The following RBFOX1 variants were observed in gnomAD, a reference collection of about 807,000 sequenced individuals.
The protein encoded by RBFOX1 is RNA binding protein fox-1 homolog 1.
Under a neutral mutation model 57.7 loss-of-function variants are expected in RBFOX1, and 8 were observed. The ratio of observed to expected loss-of-function variants is 0.14; its 90% confidence interval spans 0.08 to 0.25. The LOEUF is 0.25. Ranked by LOEUF, RBFOX1 falls within the 10% of genes least tolerant of loss-of-function variation. The pLI is 1.00. For missense variants in RBFOX1, 611 were observed against 548.5 expected (o/e 1.11, Z -1.14); for synonymous variants, 326 against 222.4 (o/e 1.47, Z -4.15).
At chr16:6,966,987 A>G (rs1279328012) in intron 3 of RBFOX1, among the ~76,000 whole-genome samples, 1 of 151,862 alleles carries the variant, frequency 6.6e-6, no homozygotes, top group African/African-American at 2.4e-5. Flanking sequence ...TCCATCATCT[A>G]CTTATACATC....
At chr16:6,761,737 C>G (rs2076635750) in intron 3 of RBFOX1, among the ~76,000 whole-genome samples, 1 of 151,646 alleles carries the variant, frequency 6.6e-6, no homozygotes, top group South Asian at 2.1e-4. Flanking sequence ...GAATTCCTGA[C>G]CTTGTGATCC....
chr16:5,334,186 A>G lies in RBFOX1; in HGVS notation c.219+94081A>G, dbSNP rs188962031. Among the ~76,000 whole-genome samples the G allele has an allele frequency of 9.5e-4, 144 of 152,052 alleles. 1 individual carries two copies. The highest frequency in any genetic ancestry group is 3.3e-3 in the African/African-American group (136 of 41,458). ...GTTGGAATGTGTCTGGTCAGAGGGG[A>G]GGATATCTTGGGGCTGACATCTCTC... On this transcript the variant is annotated intron_variant, in intron 1 of 2. Coordinates refer to the RBFOX1 transcript ENST00000585867.
intron 2 of RBFOX1, among the ~76,000 whole-genome samples, chr16:6,638,431 C>T (rs2098461742): frequency 6.6e-6 from 1 of 152,072 alleles, no homozygotes; most frequent in Admixed American, 6.6e-5. Flanking sequence ...TTTTAAAATT[C>T]ATCCTTAGAG....
At chr16:6,044,389 T>G (rs922584518) in intron 1 of RBFOX1, among the ~76,000 whole-genome samples, 2 of 152,078 alleles carry the variant, frequency 1.3e-5, no homozygotes, top group African/African-American at 4.8e-5. Flanking sequence ...TTCCTCCTGG[T>G]GTCTGTTACA....
chr16:6,098,306 C>G (rs1317886096), intron 1 of RBFOX1, among the ~76,000 whole-genome samples: 1 of 152,146 alleles, frequency 6.6e-6, no homozygotes, highest in Non-Finnish European at 1.5e-5. Flanking sequence ...TGCATGGACC[C>G]AGAATAGAAA....
At chr16:5,257,619 C>T (rs558981220) in intron 1 of RBFOX1, among the ~76,000 whole-genome samples, 1 of 152,288 alleles carries the variant, frequency 6.6e-6, no homozygotes, top group South Asian at 2.1e-4. Flanking sequence ...CTTCTGGAGG[C>T]GCATTTACTA....
intron 1 of RBFOX1, among the ~76,000 whole-genome samples, chr16:5,373,508 C>T (rs1477794943): frequency 6.6e-6 from 1 of 152,118 alleles, no homozygotes; most frequent in African/African-American, 2.4e-5. Context: ...CGCACCTGTT[C>T]CCTCTTTGCC....
chr16:5,663,480 A>C (rs74004464), intron 3 of RBFOX1, among the ~76,000 whole-genome samples: 6,368 of 152,086 alleles, frequency 0.042, 442 homozygotes, highest in African/African-American at 0.14. Context: ...GCTGGTATTA[A>C]ATGCATGAGC....
chr16:5,849,916 C>A (rs767201501), intron 3 of RBFOX1, among the ~76,000 whole-genome samples: 1 of 152,208 alleles, frequency 6.6e-6, no homozygotes, highest in Non-Finnish European at 1.5e-5. Context: ...GCTCCCTGCT[C>A]CTAACTCAAA....
chr16:6,336,181 ATTTTTTTTTTTTTTTT>A (rs1156246510), intron 2 of RBFOX1, among the ~76,000 whole-genome samples: 39 of 26,968 alleles, frequency 1.4e-3, no homozygotes, highest in East Asian at 5.7e-3. Context: ...ATATATATAT[ATTTTTTTTTTTTTTTT>A]TTTTTTTTTT....
chr16:6,813,070 A>G (rs1053366305), intron 3 of RBFOX1, among the ~76,000 whole-genome samples: 7 of 152,066 alleles, frequency 4.6e-5, no homozygotes, highest in Non-Finnish European at 1.0e-4. Context: ...GCTGATGTAT[A>G]TGAAGAAAAC....
At chr16:7,620,422 T>C (rs2059131951) in intron 10 of RBFOX1, among the ~76,000 whole-genome samples, 1 of 152,214 alleles carries the variant, frequency 6.6e-6, no homozygotes. Flanking sequence ...AGTGACACTA[T>C]AGAAATCTCA....
intron 3 of RBFOX1, among the ~76,000 whole-genome samples, chr16:6,747,104 G>A (rs2073855006): frequency 6.6e-6 from 1 of 152,066 alleles, no homozygotes; most frequent in Admixed American, 6.6e-5. Flanking sequence ...CCAAATGGGA[G>A]ATCCTTAAAT....
chr16:7,178,467 C>T lies in RBFOX1; in HGVS notation c.27+126369C>T, dbSNP rs58737479. On this transcript the variant is annotated intron_variant, in intron 4 of 15. Coordinates refer to ENST00000550418, the MANE Select transcript of RBFOX1 (RefSeq NM_018723.4). ...GGGTAAACACTAAATTTTTTTTATT[C>T]GTTCATAAATTGATTCAATTGATGT... 7.1e-3 allele frequency among the ~76,000 whole-genome samples: 1,077 copies of T among 152,186 alleles called. 14 individuals are homozygous for T. Among genetic ancestry groups the T allele is most frequent in the African/African-American group, 0.025 (1,030 of 41,528 alleles).
chr16:5,626,079 C>T (rs942114138), intron 3 of RBFOX1, among the ~76,000 whole-genome samples: 26 of 152,106 alleles, frequency 1.7e-4, no homozygotes, highest in Admixed American at 4.6e-4. Context: ...CGGGTTTCTC[C>T]ATGTTGGTCA....
intron 3 of RBFOX1, among the ~76,000 whole-genome samples, chr16:7,013,877 T>G (rs373684278): frequency 2.0e-5 from 3 of 152,156 alleles, no homozygotes; most frequent in African/African-American, 7.2e-5. Context: ...AGGTCATTCT[T>G]GAGCTCTTGA....
chr16:6,795,615 A>C (rs1203419509), intron 3 of RBFOX1, among the ~76,000 whole-genome samples: 4 of 151,918 alleles, frequency 2.6e-5, no homozygotes, highest in African/African-American at 9.7e-5. Context: ...AAAATACAAA[A>C]ATTAGCCTGG....
intron 3 of RBFOX1, among the ~76,000 whole-genome samples, chr16:6,868,582 C>A (rs1428164016): frequency 6.6e-6 from 1 of 152,074 alleles, no homozygotes; most frequent in African/African-American, 2.4e-5. Flanking sequence ...AGCAATTCTC[C>A]TGCTTTAGCG....
At chr16:6,555,287 A>G (rs1340513406) in intron 2 of RBFOX1, among the ~76,000 whole-genome samples, 1 of 152,120 alleles carries the variant, frequency 6.6e-6, no homozygotes, top group Non-Finnish European at 1.5e-5. Context: ...AATCCTATCC[A>G]TTGGGCATGA....
Sources: allele counts gnomAD v4.1 joint callset (sites outside exome capture counted in the v4.1 genomes callset), GRCh38; gene constraint gnomAD v4.1.1; transcripts MANE v1.5; gene names NCBI Gene and HGNC (gene_info 2026-07-23, HGNC 2026-07-21).